The following FMN2 variants were observed in gnomAD, a reference collection of about 807,000 sequenced individuals.
FMN2 encodes the protein formin-2.
In FMN2, 51 loss-of-function variants were observed where a neutral mutation model predicts 142.3. The observed-to-expected ratio is 0.36, with a 90% CI of 0.29 to 0.45. The LOEUF is 0.45. FMN2 is among the 20% of genes least tolerant of loss of function. The pLI is 1.00. For synonymous variants in FMN2, 882 were observed against 869.8 expected (o/e 1.01, Z -0.25); for missense variants, 1,936 against 2,122.8 (o/e 0.91, Z 1.73).
intron 14 of FMN2, among the ~76,000 whole-genome samples, chr1:240,375,683 C>T (rs965813291): frequency 6.6e-6 from 1 of 152,204 alleles, no homozygotes; most frequent in Non-Finnish European, 1.5e-5. Context: ...TTTCTATCCA[C>T]ATTATCATAA....
chr1:240,141,393 C>T (rs1407173045), intron 2 of FMN2, among the ~76,000 whole-genome samples: 2 of 152,016 alleles, frequency 1.3e-5, no homozygotes, highest in African/African-American at 4.8e-5. Context: ...ACTCTGTCAT[C>T]CAGTTTGGAG....
chr1:240,382,347 A>C (rs1447611517), intron 14 of FMN2, among the ~76,000 whole-genome samples: 2 of 152,016 alleles, frequency 1.3e-5, no homozygotes, highest in Admixed American at 6.6e-5. Flanking sequence ...TAAATGAAAA[A>C]ACATTCTGAC....
intron 14 of FMN2, among the ~76,000 whole-genome samples, chr1:240,360,650 A>AT (rs1320156254): frequency 3.3e-5 from 5 of 152,140 alleles, no homozygotes; most frequent in Admixed American, 6.5e-5. Context: ...TAGAGGAATG[A>AT]TTGGGGGGTG....
chr1:240,131,507 G>C (rs1388567128), intron 2 of FMN2, among the ~76,000 whole-genome samples: 1 of 152,032 alleles, frequency 6.6e-6, no homozygotes, highest in Admixed American at 6.6e-5. Flanking sequence ...TCAGGAGTTC[G>C]AGACTAGCCT....
intron 13 of FMN2, among the ~76,000 whole-genome samples, chr1:240,346,312 TAAC>T (rs1437292233): frequency 6.6e-6 from 1 of 152,062 alleles, no homozygotes; most frequent in Non-Finnish European, 1.5e-5. Flanking sequence ...TATACTGTAA[TAAC>T]AGTTATACAA....
chr1:240,389,558 C>T (rs949396686), intron 14 of FMN2, among the ~76,000 whole-genome samples: 30 of 152,068 alleles, frequency 2.0e-4, no homozygotes, highest in African/African-American at 7.0e-4. Flanking sequence ...TAATTTTCAC[C>T]GATTAAATTA....
At chr1:240,449,835 T>C (rs1333953197) in intron 16 of FMN2, among the ~76,000 whole-genome samples, 1 of 152,168 alleles carries the variant, frequency 6.6e-6, no homozygotes, top group Non-Finnish European at 1.5e-5. Flanking sequence ...TTATACAAAG[T>C]GATGTCTTGA....
intron 15 of FMN2, among the ~76,000 whole-genome samples, chr1:240,420,271 G>C (rs537560758): frequency 6.6e-6 from 1 of 152,100 alleles, no homozygotes; most frequent in Non-Finnish European, 1.5e-5. Context: ...AATGCATGCT[G>C]GTGTGCCTAC....
At chr1:240,458,546 T>C (rs1235344045) in intron 16 of FMN2, 1 of 152,212 alleles carries the variant, frequency 6.6e-6, no homozygotes, top group Non-Finnish European at 1.5e-5. Context: ...AACTACAGTG[T>C]TGTTAGAACC....
rs546281513 is a variant in FMN2, at chr1:240,159,637, T to C, written c.1783-18284T>C. Among the ~76,000 whole-genome samples the C allele has an allele frequency of 2.6e-5, 4 of 152,208 alleles. No homozygotes were observed. The East Asian group carries it at 7.7e-4, about 29-fold the overall frequency. On this transcript the variant is annotated intron_variant, in intron 2 of 17. Transcript: ENST00000319653. ...CATGTCGGAAAGCCTGTCCACACTA[T>C]CATTACAAGCTCAGAACAGAGTGTG...
At chr1:240,379,947 T>G (rs1383786608) in intron 14 of FMN2, among the ~76,000 whole-genome samples, 1 of 152,118 alleles carries the variant, frequency 6.6e-6, no homozygotes, top group African/African-American at 2.4e-5. Flanking sequence ...ATCCAAAATA[T>G]ATATGCACCC....
intron 7 of FMN2, among the ~76,000 whole-genome samples, chr1:240,275,525 T>C (rs1303309411): frequency 6.6e-6 from 1 of 152,170 alleles, no homozygotes; most frequent in Non-Finnish European, 1.5e-5. Flanking sequence ...AAGTCTTTGC[T>C]ATTGTGAACA....
At chr1:240,123,109 CTG>C in intron 1 of FMN2, 68 bp from the exon 2 acceptor site, 1 of 1,562,716 alleles carries the variant, frequency 6.4e-7, no homozygotes, top group Admixed American at 1.8e-5. Flanking sequence ...TACCCAGCCG[CTG>C]TCCCCTGGCG....
At chr1:240,390,571 A>G (rs1283790241) in intron 14 of FMN2, among the ~76,000 whole-genome samples, 5 of 152,244 alleles carry the variant, frequency 3.3e-5, no homozygotes, top group Non-Finnish European at 7.3e-5. Flanking sequence ...GAATATAATT[A>G]TTAGTTGACT....
chr1:240,340,450 G>A (rs1410001000), intron 13 of FMN2, among the ~76,000 whole-genome samples: 1 of 151,974 alleles, frequency 6.6e-6, no homozygotes, highest in Non-Finnish European at 1.5e-5. Flanking sequence ...GCATGGTGGT[G>A]GGCGCCTGTA....
intron 15 of FMN2, among the ~76,000 whole-genome samples, chr1:240,418,772 G>A (rs1428427101): frequency 6.6e-6 from 1 of 152,088 alleles, no homozygotes; most frequent in Non-Finnish European, 1.5e-5. Flanking sequence ...TATCTTTCCT[G>A]ATTTTGTCAG....
At chr1:240,225,332 C>T (rs1397882020) in intron 6 of FMN2, among the ~76,000 whole-genome samples, 1 of 152,118 alleles carries the variant, frequency 6.6e-6, no homozygotes, top group Non-Finnish European at 1.5e-5. Context: ...CCCCTCAGCC[C>T]CAGTGGTTAA....
At chr1:240,432,326 C>G (rs1286468649) in intron 15 of FMN2, among the ~76,000 whole-genome samples, 1 of 151,866 alleles carries the variant, frequency 6.6e-6, no homozygotes, top group African/African-American at 2.4e-5. Flanking sequence ...TCATTTTAAG[C>G]CAGTATGATC....
At chr1:240,441,343 T>C (rs1675610877) in intron 16 of FMN2, among the ~76,000 whole-genome samples, 1 of 152,076 alleles carries the variant, frequency 6.6e-6, no homozygotes, top group Non-Finnish European at 1.5e-5. Flanking sequence ...ATTTCCAAAA[T>C]GTTTTGAATG....
Sources: allele counts gnomAD v4.1 joint callset (sites outside exome capture counted in the v4.1 genomes callset), GRCh38; gene constraint gnomAD v4.1.1; transcripts MANE v1.5; gene names NCBI Gene and HGNC (gene_info 2026-07-23, HGNC 2026-07-21).